PIWIL4: variants seen among roughly 807,000 people sequenced by gnomAD.
PIWIL4 encodes piwi-like protein 4.
A neutral mutation model predicts 100.9 loss-of-function variants in PIWIL4; 50 were observed. That is an observed-to-expected ratio of 0.50 (90% CI 0.39 to 0.63). The LOEUF (loss-of-function observed/expected upper bound fraction) is 0.63, where lower values mean the gene tolerates loss of function less well. Ranked by LOEUF, PIWIL4 falls within the 20% of genes least tolerant of loss-of-function variation. The pLI is 0.00. For missense variants in PIWIL4, 887 were observed against 1,043.3 expected, an observed-to-expected ratio of 0.85 and a Z score of 2.06; for synonymous variants, 342 against 367.5, an observed-to-expected ratio of 0.93 and a Z score of 0.79.
intron 10 of PIWIL4, among the ~76,000 whole-genome samples, chr11:94,595,939 C>G (rs891127189): frequency 6.6e-6 from 1 of 152,148 alleles, no homozygotes; most frequent in East Asian, 1.9e-4. Flanking sequence ...TTATTTATGA[C>G]AGTTTGCTAT....
intron 17 of PIWIL4, among the ~76,000 whole-genome samples, chr11:94,618,887 G>A (rs906157524): frequency 6.6e-6 from 1 of 152,166 alleles, no homozygotes; most frequent in Non-Finnish European, 1.5e-5. Context: ...GAGTGGAGGG[G>A]AAGCCTGAAA....
rs140300553 is a variant in PIWIL4 at position 94,591,643 on chromosome 11, C to T, written c.1027-1875C>T. ...TTTTAGGACCTGTGACATTCTGAAA[C>T]GGGAATCATGGTAAAAATCCCAGTC... On this transcript the variant is annotated intron_variant, in intron 8 of 19. Coordinates refer to ENST00000299001, the MANE Select transcript of PIWIL4 (RefSeq NM_152431.3). Among the ~76,000 whole-genome samples, 35 of 152,152 alleles carry T rather than the reference C, an allele frequency of 2.3e-4. No homozygotes were observed. In the East Asian group the frequency reaches 5.2e-3, roughly 23 times the overall value.
Position 94,604,037 on chromosome 11 carries a change from T to G in PIWIL4, c.1619T>G (p.Val540Gly). The G allele has an allele frequency of 6.2e-7, 1 of 1,605,516 alleles. No homozygotes were observed. The change falls in exon 13 of 20, where the codon GTT (valine) becomes GGT (glycine). Residue 540 changes from valine (V) to glycine (G), a missense_variant. Physicochemically the swap from Val to Gly is moderately radical, Grantham distance 109 (BLOSUM62 -3). Transcript: ENST00000299001. Reference sequence around the variant, plus strand: ...TTTGTTAGAGCTATACAGCAATATGTTGATCCTGATGTTCAGCTGGTAAGT... The same window carrying G: ...TTTGTTAGAGCTATACAGCAATATGGTGATCCTGATGTTCAGCTGGTAAGT... ...AAFVRAIQQY[V>G]DPDVQLVMCI... is the part of the protein sequence containing the mutation.
chr11:94,587,703 A>C (rs1050530038), intron 7 of PIWIL4, among the ~76,000 whole-genome samples: 2 of 152,210 alleles, frequency 1.3e-5, no homozygotes, highest in African/African-American at 2.4e-5. Context: ...CACTTTGCTT[A>C]TGGCTACCTT....
chr11:94,593,666 G>T, intron 9 of PIWIL4, 25 bp downstream of exon 9: 1 of 1,611,256 alleles, frequency 6.2e-7, no homozygotes, highest in Non-Finnish European at 8.5e-7. Context: ...TTATACCTCT[G>T]TCAGGCTCCT....
chr11:94,593,251 G>C (rs1049784303), intron 8 of PIWIL4, among the ~76,000 whole-genome samples: 9 of 152,160 alleles, frequency 5.9e-5, no homozygotes, highest in African/African-American at 1.9e-4. Context: ...ACCAGCTGGA[G>C]TCTATTCTGA....
At chr11:94,590,597 T>C (rs969203357) in intron 8 of PIWIL4, among the ~76,000 whole-genome samples, 17 of 152,214 alleles carry the variant, frequency 1.1e-4, no homozygotes, top group African/African-American at 3.6e-4. Flanking sequence ...CTCAAACTAA[T>C]ATAATTCAGA....
chr11:94,575,478 CT>C (rs1254790150), intron 3 of PIWIL4, among the ~76,000 whole-genome samples: 1 of 152,150 alleles, frequency 6.6e-6, no homozygotes, highest in Non-Finnish European at 1.5e-5. Flanking sequence ...TTGGGGGATT[CT>C]TTACCCAGAT....
chr11:94,567,662 T>C (rs370976602), intron 1 of PIWIL4, 57 bp downstream of exon 1: 3 of 1,478,954 alleles, frequency 2.0e-6, no homozygotes, highest in African/African-American at 1.4e-5. Flanking sequence ...GTCTCTAGCC[T>C]GAACAATGCC....
chr11:94,575,189 CA>C (rs147547817), intron 3 of PIWIL4, 59 bp downstream of exon 3: 57,938 of 1,532,994 alleles, frequency 0.038, 1,279 homozygotes, highest in Middle Eastern at 0.047. Context: ...TAAGGACTTC[CA>C]AATTCTAGGT....
intron 3 of PIWIL4, among the ~76,000 whole-genome samples, chr11:94,576,697 C>T (rs984947029): frequency 6.6e-6 from 1 of 152,202 alleles, no homozygotes; most frequent in African/African-American, 2.4e-5. Flanking sequence ...GAAACCTTGT[C>T]TGTTTTCACG....
In PIWIL4 at chr11:94,619,813, C is replaced by T; in HGVS notation, c.2222C>T (p.Thr741Ile). Residue 741 changes from threonine to isoleucine, a missense_variant, in exon 18 of 20, where the codon ACC (threonine) becomes ATC (isoleucine). Thr to Ile is a moderately conservative substitution (Grantham distance 89). Transcript: ENST00000299001. ...VRKKCMPRFFTEMNRTVQNPP... is the reference protein window; with the variant it reads ...VRKKCMPRFFIEMNRTVQNPP... The stretch of plus-strand genomic sequence containing the variant: ...AAGAAGTGCATGCCACGATTCTTTA[C>T]CGAAATGAACCGCACTGTACAGAAC... 2 of 1,614,152 alleles carry T rather than the reference C, an allele frequency of 1.2e-6. No homozygotes were observed. Among genetic ancestry groups the T allele is most frequent in the Non-Finnish European group, 1.7e-6 (2 of 1,180,012 alleles).
chr11:94,575,298 T>G (rs1409757245), intron 3 of PIWIL4, among the ~76,000 whole-genome samples, 168 bp downstream of exon 3: 2 of 152,268 alleles, frequency 1.3e-5, no homozygotes. Flanking sequence ...TAGCCTTAAT[T>G]TTCTCTTTTA....
chr11:94,604,132 C>T (rs545704552), intron 13 of PIWIL4, 76 bp downstream of exon 13: 15 of 862,462 alleles, frequency 1.7e-5, no homozygotes, highest in Admixed American at 5.8e-5. Context: ...CTGAACATAC[C>T]CTCCCATGAT....
At chr11:94,597,767 A>G (rs769532030) in intron 10 of PIWIL4, 37 bp from the exon 11 acceptor site, 18 of 1,422,384 alleles carry the variant, frequency 1.3e-5, no homozygotes, top group South Asian at 7.1e-5. Flanking sequence ...TTATAATTAT[A>G]TCTCTCTTTA....
intron 4 of PIWIL4, among the ~76,000 whole-genome samples, chr11:94,581,331 G>A (rs952766920): frequency 2.0e-5 from 3 of 152,198 alleles, no homozygotes; most frequent in Non-Finnish European, 2.9e-5. Context: ...CAGGACACCT[G>A]AGCGAGAGTG....
chr11:94,609,479 T>A (rs956179367), intron 15 of PIWIL4, among the ~76,000 whole-genome samples: 2 of 152,190 alleles, frequency 1.3e-5, no homozygotes, highest in Non-Finnish European at 2.9e-5. Flanking sequence ...ATTAAATTCA[T>A]GATCAGGTAT....
intron 2 of PIWIL4, among the ~76,000 whole-genome samples, chr11:94,570,533 G>A (rs1948137238): frequency 1.3e-5 from 2 of 151,986 alleles, no homozygotes; most frequent in Non-Finnish European, 2.9e-5. Flanking sequence ...CTGAGGCACT[G>A]GGGGTTAAGA....
At chr11:94,577,550 T>C (rs1948255044) in intron 4 of PIWIL4, 58 bp downstream of exon 4, 1 of 1,324,848 alleles carries the variant, frequency 7.5e-7, no homozygotes, top group South Asian at 1.4e-5. Context: ...TATATGTGTA[T>C]ACACACACAC....
Sources: gnomAD v4.1 joint callset for allele counts (sites outside exome capture counted in the v4.1 genomes callset) on GRCh38, gnomAD v4.1.1 for gene constraint, MANE v1.5 for transcripts, NCBI Gene and HGNC (gene_info 2026-07-23, HGNC 2026-07-21) for gene names.